KMT5B: variants seen among roughly 807,000 people sequenced by gnomAD.
The protein encoded by KMT5B is lysine methyltransferase 5B, also known as histone-lysine N-methyltransferase KMT5B.
A neutral mutation model predicts 83.2 loss-of-function variants in KMT5B; 10 were observed. The ratio of observed to expected loss-of-function variants is 0.12; its 90% CI spans 0.07 to 0.20. The LOEUF (loss-of-function observed/expected upper bound fraction) is 0.20. Among genes scored for constraint, KMT5B ranks in the 10% least tolerant of loss-of-function variants. KMT5B has a pLI of 1.00. For synonymous variants in KMT5B, 349 were observed against 388.8 expected, an observed-to-expected ratio of 0.90 and a Z score of 1.20; for missense variants, 753 against 1,067.2, an observed-to-expected ratio of 0.71 and a Z score of 4.10.
At chr11:68,175,231 G>A (rs570419646) in intron 4 of KMT5B, 48 bp from the exon 5 acceptor site, 30 of 1,476,216 alleles carry the variant, frequency 2.0e-5, no homozygotes, top group Admixed American at 5.3e-5. Flanking sequence ...CAATCCTTGC[G>A]CCACTGATCC....
intron 1 of KMT5B, among the ~76,000 whole-genome samples, chr11:68,190,389 T>C (rs1055905624): frequency 1.2e-4 from 18 of 152,248 alleles, no homozygotes; most frequent in African/African-American, 3.9e-4. Flanking sequence ...ATTATACTTT[T>C]TACTGTTATT....
At chr11:68,193,703 A>C (rs1400520428) in intron 1 of KMT5B, among the ~76,000 whole-genome samples, 6 of 152,188 alleles carry the variant, frequency 3.9e-5, no homozygotes, top group South Asian at 4.1e-4. Flanking sequence ...AGGATTTTTC[A>C]ATTATTAAAT....
At chr11:68,174,348 C>G (rs891849138) in intron 5 of KMT5B, 1 of 320,050 alleles carries the variant, frequency 3.1e-6, no homozygotes, top group South Asian at 2.4e-5. Context: ...CACCTCTAAA[C>G]AAAAAATTCA....
In KMT5B at chr11:68,155,511, C is replaced by T. The variant is rs1216040395; in HGVS notation, c.*2177G>A. 5.9e-5 allele frequency: 9 copies of T among 152,256 alleles called. No homozygotes were observed. The highest frequency in any genetic ancestry group is 2.1e-4 in the South Asian group (1 of 4,824). 9.4% of individuals were successfully genotyped at this position (152,256 alleles called of 1,614,324 possible). ...AATGTGTTTTGTCACTTTTTAAGAT[C>T]GAAATTCCCAAAATAGCTATCGTTG... On this transcript the variant is annotated 3_prime_UTR_variant, in exon 11 of 11. Transcript: ENST00000304363.
intron 1 of KMT5B, among the ~76,000 whole-genome samples, chr11:68,206,631 G>A (rs1452364743): frequency 1.3e-5 from 2 of 152,122 alleles, no homozygotes; most frequent in Non-Finnish European, 2.9e-5. Context: ...TGAAAAGAAG[G>A]CCTCCCTAGG....
intron 1 of KMT5B, among the ~76,000 whole-genome samples, chr11:68,196,027 T>C (rs1342462931): frequency 6.6e-6 from 1 of 152,026 alleles, no homozygotes; most frequent in Non-Finnish European, 1.5e-5. Flanking sequence ...TGTGGTGGTA[T>C]GCGCCTGTAA....
intron 10 of KMT5B, 116 bp downstream of exon 10, chr11:68,166,866 A>C (rs1855364293): frequency 2.7e-6 from 4 of 1,485,892 alleles, no homozygotes; most frequent in East Asian, 2.5e-5. Flanking sequence ...GCCAAAGCTC[A>C]CAAGTCCCAG....
At chr11:68,183,151 T>G (rs1476796557) in intron 3 of KMT5B, among the ~76,000 whole-genome samples, 3 of 151,914 alleles carry the variant, frequency 2.0e-5, no homozygotes, top group African/African-American at 7.3e-5. Flanking sequence ...TGTGGTGACA[T>G]TCTGAATGCC....
At chr11:68,168,416 A>G (rs1178762247) in intron 9 of KMT5B, among the ~76,000 whole-genome samples, 1 of 151,316 alleles carries the variant, frequency 6.6e-6, no homozygotes, top group East Asian at 1.9e-4. Context: ...GCTCACTGCA[A>G]CCCCTGCCTC....
At chr11:68,208,140 A>G (rs1265055007) in intron 1 of KMT5B, among the ~76,000 whole-genome samples, 2 of 149,420 alleles carry the variant, frequency 1.3e-5, no homozygotes, top group Admixed American at 1.3e-4. Flanking sequence ...CCTGGCCCCA[A>G]ACAAATTTTT....
At chr11:68,194,000 A>G (rs1055295930) in intron 1 of KMT5B, among the ~76,000 whole-genome samples, 3 of 152,012 alleles carry the variant, frequency 2.0e-5, no homozygotes, top group African/African-American at 7.2e-5. Context: ...AGTACAAAGA[A>G]AGCTTGAGAA....
intron 10 of KMT5B, among the ~76,000 whole-genome samples, chr11:68,160,655 T>G (rs1854775764): frequency 6.6e-6 from 1 of 152,168 alleles, no homozygotes; most frequent in Non-Finnish European, 1.5e-5. Context: ...AGTTCAGTTT[T>G]TATTGAGAGA....
In KMT5B at chr11:68,171,839, A is replaced by C; in HGVS notation, c.654-130T>G. On this transcript the variant is annotated intron_variant, in intron 6 of 10. Coordinates refer to ENST00000304363, the MANE Select transcript of KMT5B (RefSeq NM_017635.5). This position sits in a 1 kb window ranked among gnomAD's most constrained non-coding sequence, Gnocchi z 5.1. ...TAGCTGTCTATACTTTAGTTAGCTC[A>C]CTGGGATCCCCACCTGGCTATCTTC... 1 of 727,898 alleles carries C rather than the reference A, an allele frequency of 1.4e-6. No homozygotes were observed. Among genetic ancestry groups the C allele is most frequent in the Non-Finnish European group, 2.2e-6 (1 of 451,226 alleles). 45.1% of individuals were successfully genotyped at this position (727,898 alleles called of 1,614,324 possible).
At chr11:68,170,444 T>G (rs1411825767) in intron 9 of KMT5B, among the ~76,000 whole-genome samples, 3 of 152,156 alleles carry the variant, frequency 2.0e-5, no homozygotes, top group African/African-American at 7.2e-5. Flanking sequence ...GCTCCCTTCA[T>G]GGTGCTCTCA....
intron 1 of KMT5B, among the ~76,000 whole-genome samples, chr11:68,208,656 G>A (rs1826206590): frequency 6.6e-6 from 1 of 152,120 alleles, no homozygotes; most frequent in Non-Finnish European, 1.5e-5. Flanking sequence ...ATGGACTTGA[G>A]ATGGGATGAT....
chr11:68,158,506 A>G lies in KMT5B; in HGVS notation c.1840T>C (p.Ser614Pro). ...TGTTTCACAAGTTTTCCTTGTCGTG[A>G]CTTCTTTTTGGACATGCCTGTGTCA... ...KSDTGMSKKKSRQGKLVKQFA... is the reference protein window; with the variant it reads ...KSDTGMSKKKPRQGKLVKQFA... The change falls in exon 11 of 11, where the codon TCA becomes CCA. Residue 614 changes from serine (S) to proline (P), a missense_variant. Ser to Pro is a moderately conservative substitution (Grantham distance 74, BLOSUM62 -1). This residue lies in a region of KMT5B where 397 missense variants were observed against 395.9 expected (regional missense o/e 1.00). Coordinates refer to ENST00000304363, the MANE Select transcript of KMT5B (RefSeq NM_017635.5). The G allele has an allele frequency of 6.2e-7, 1 of 1,613,786 alleles. No individual in the cohort carries two copies. The highest frequency in any genetic ancestry group is 1.1e-5 in the South Asian group (1 of 91,068).
intron 4 of KMT5B, among the ~76,000 whole-genome samples, chr11:68,175,496 GAGGTGAGCAGACGATTCA>G (rs1213407933): frequency 2.0e-5 from 3 of 152,034 alleles, no homozygotes; most frequent in Admixed American, 6.6e-5. Flanking sequence ...CATTAACTGT[GAGGTGAGCAGACGATTCA>G]AACAAAAGCT....
chr11:68,161,070 CAT>C (rs1158085634), intron 10 of KMT5B, among the ~76,000 whole-genome samples: 1 of 152,176 alleles, frequency 6.6e-6, no homozygotes, highest in African/African-American at 2.4e-5. Flanking sequence ...CATACTTACA[CAT>C]GTGGGCTGCT....
chr11:68,159,216 G>A (rs1231436625), intron 10 of KMT5B, 45 bp from the exon 11 acceptor site: 58 of 1,508,624 alleles, frequency 3.8e-5, no homozygotes, highest in Non-Finnish European at 4.9e-5. Context: ...GGTAACAGCA[G>A]AGTTCAAGAA....
Sources: allele counts gnomAD v4.1 joint callset (sites outside exome capture counted in the v4.1 genomes callset), GRCh38; gene constraint gnomAD v4.1.1; regional missense constraint gnomAD v4.1.1; non-coding constraint Gnocchi (gnomAD v3.1); transcripts MANE v1.5; gene names NCBI Gene and HGNC (gene_info 2026-07-23, HGNC 2026-07-21).